Variants in LRP1B observed in about 807,000 individuals in gnomAD.
LRP1B encodes the protein LDL receptor related protein 1B.
Under a neutral mutation model 556.6 loss-of-function variants are expected in LRP1B, and 217 were observed. The ratio of observed to expected loss-of-function variants is 0.39; its 90% CI spans 0.35 to 0.44. LRP1B has a LOEUF of 0.44. Among genes scored for constraint, LRP1B ranks in the 20% least tolerant of loss-of-function variants. LRP1B has a pLI of 1.00. For missense variants in LRP1B, 5,053 were observed against 5,620.8 expected, an observed-to-expected ratio of 0.90 and a Z score of 3.23; for synonymous variants, 2,047 against 1,865.8, an observed-to-expected ratio of 1.10 and a Z score of -2.50.
intron 66 of LRP1B, among the ~76,000 whole-genome samples, chr2:140,431,745 C>A (rs1356647632): frequency 6.6e-6 from 1 of 152,186 alleles, no homozygotes; most frequent in Non-Finnish European, 1.5e-5. Flanking sequence ...TGTATCCAGG[C>A]CATGACCAAT....
intron 1 of LRP1B, among the ~76,000 whole-genome samples, chr2:141,963,733 C>G (rs1299396179): frequency 6.8e-6 from 1 of 147,582 alleles, no homozygotes; most frequent in Non-Finnish European, 1.5e-5. Flanking sequence ...AGTGTTGGAA[C>G]TTCTGGCCAG....
chr2:141,267,106 C>T (rs188855412), intron 3 of LRP1B, among the ~76,000 whole-genome samples: 3 of 152,130 alleles, frequency 2.0e-5, no homozygotes, highest in African/African-American at 7.2e-5. Flanking sequence ...ATTATAAACA[C>T]CTTCTGTGGG....
chr2:141,186,348 T>C (rs1319806167), intron 7 of LRP1B, among the ~76,000 whole-genome samples: 3 of 151,868 alleles, frequency 2.0e-5, no homozygotes, highest in Non-Finnish European at 2.9e-5. Flanking sequence ...TGTGCAGTTT[T>C]TCTAACCAAA....
chr2:142,125,042 G>A (rs905266213), intron 1 of LRP1B, among the ~76,000 whole-genome samples: 1 of 151,784 alleles, frequency 6.6e-6, no homozygotes, highest in Non-Finnish European at 1.5e-5. Context: ...TGGAGAGAAA[G>A]AGAGATGGAG....
At chr2:141,315,867 T>C (rs964364744) in intron 3 of LRP1B, among the ~76,000 whole-genome samples, 2 of 141,016 alleles carry the variant, frequency 1.4e-5, no homozygotes, top group African/African-American at 5.2e-5. Flanking sequence ...GAAAATCCTC[T>C]ATCTTTAGTC....
intron 83 of LRP1B, among the ~76,000 whole-genome samples, chr2:140,312,626 T>G (rs1321700892): frequency 1.3e-5 from 2 of 151,948 alleles, no homozygotes; most frequent in Non-Finnish European, 1.5e-5. Context: ...TCAATTATTT[T>G]GTCAAAAGCA....
chr2:140,382,891 G>A (rs1161460496), intron 67 of LRP1B, among the ~76,000 whole-genome samples: 1 of 152,054 alleles, frequency 6.6e-6, no homozygotes, highest in Non-Finnish European at 1.5e-5. Flanking sequence ...TATTTTTACT[G>A]TACTTTTTAA....
chr2:140,539,439 A>G (rs1486690480), intron 45 of LRP1B, among the ~76,000 whole-genome samples: 1 of 152,148 alleles, frequency 6.6e-6, no homozygotes, highest in African/African-American at 2.4e-5. Flanking sequence ...TGGGAAATCC[A>G]ATATCACTCT....
At chr2:141,231,727 T>G (rs1182821907) in intron 5 of LRP1B, among the ~76,000 whole-genome samples, 1 of 152,024 alleles carries the variant, frequency 6.6e-6, no homozygotes, top group Non-Finnish European at 1.5e-5. Flanking sequence ...ACATTATTGT[T>G]GTCAAATGTA....
At chr2:140,665,071 C>T (rs535556504) in intron 41 of LRP1B, among the ~76,000 whole-genome samples, 7 of 152,130 alleles carry the variant, frequency 4.6e-5, no homozygotes, top group African/African-American at 1.4e-4. Context: ...GAATCAAGAC[C>T]TGATTAATCA....
chr2:140,252,751 T>C (rs1681503544), intron 86 of LRP1B, among the ~76,000 whole-genome samples: 1 of 152,114 alleles, frequency 6.6e-6, no homozygotes, highest in Non-Finnish European at 1.5e-5. Flanking sequence ...CCCAATAATC[T>C]GTCCCTGTCT....
intron 7 of LRP1B, among the ~76,000 whole-genome samples, chr2:141,131,914 T>C (rs1701369003): frequency 6.6e-6 from 1 of 151,964 alleles, no homozygotes; most frequent in East Asian, 1.9e-4. Flanking sequence ...TGGTGATTTA[T>C]GAGATTTTGG....
At chr2:141,756,309 A>G (rs1002886087) in intron 2 of LRP1B, among the ~76,000 whole-genome samples, 1 of 152,082 alleles carries the variant, frequency 6.6e-6, no homozygotes, top group Non-Finnish European at 1.5e-5. Flanking sequence ...GCTTTCCCCA[A>G]TAGAAGGGTT....
At chr2:141,745,198 A>G (rs1267289159) in intron 2 of LRP1B, among the ~76,000 whole-genome samples, 1 of 151,950 alleles carries the variant, frequency 6.6e-6, no homozygotes, top group Non-Finnish European at 1.5e-5. Flanking sequence ...CCTGGCTACC[A>G]CCTATGTTCA....
In LRP1B at chr2:140,588,351, G is replaced by T. The variant is rs558508825; in HGVS notation, c.7194+10280C>A. Reference sequence around the variant, plus strand: ...CTATGCTTCGCTTTACTGGGTAAATGGTGATGCTTGTAGACTGATAAGTAA... The same window carrying T: ...CTATGCTTCGCTTTACTGGGTAAATTGTGATGCTTGTAGACTGATAAGTAA... On this transcript the variant is annotated intron_variant, in intron 43 of 90. Transcript: ENST00000389484. Among the ~76,000 whole-genome samples the T allele has an allele frequency of 6.6e-5, 10 of 152,292 alleles. No individual in the cohort carries two copies. In the South Asian group the frequency reaches 1.7e-3, roughly 25 times the overall value.
At chr2:140,242,084 G>A (rs977046966) in intron 87 of LRP1B, among the ~76,000 whole-genome samples, 2 of 150,994 alleles carry the variant, frequency 1.3e-5, no homozygotes, top group Admixed American at 1.3e-4. Flanking sequence ...AGGAGAGCTA[G>A]TACAGCATAG....
chr2:140,314,839 G>A, intron 83 of LRP1B, 96 bp downstream of exon 83: 2 of 790,788 alleles, frequency 2.5e-6, no homozygotes, highest in Non-Finnish European at 3.9e-6. Context: ...TGTTCATTAA[G>A]ATATTAGGAA....
At chr2:141,032,959 G>A (rs1202277167) in intron 11 of LRP1B, among the ~76,000 whole-genome samples, 3 of 151,782 alleles carry the variant, frequency 2.0e-5, no homozygotes, top group South Asian at 2.1e-4. Flanking sequence ...CCCTACATGG[G>A]TGCCCCAACA....
intron 66 of LRP1B, among the ~76,000 whole-genome samples, chr2:140,435,911 C>T (rs946864475): frequency 5.9e-5 from 9 of 152,000 alleles, no homozygotes; most frequent in African/African-American, 1.9e-4. Context: ...GGAACCAAAA[C>T]ATTTCAATGC....
Sources: gnomAD v4.1 joint callset for allele counts (sites outside exome capture counted in the v4.1 genomes callset) on GRCh38, gnomAD v4.1.1 for gene constraint, MANE v1.5 for transcripts, NCBI Gene and HGNC (gene_info 2026-07-23, HGNC 2026-07-21) for gene names.